Variants in ZC3H11A observed in about 807,000 individuals in gnomAD.
The protein encoded by ZC3H11A is zinc finger CCCH-type containing 11A.
Under a neutral mutation model 90.8 loss-of-function variants are expected in ZC3H11A, and 22 were observed. The ratio of observed to expected loss-of-function variants is 0.24; its 90% confidence interval spans 0.17 to 0.35. The LOEUF is 0.35. ZC3H11A is among the 10% of genes least tolerant of loss of function. The pLI, the probability that ZC3H11A is intolerant of heterozygous loss-of-function variation, is 1.00. For synonymous variants in ZC3H11A, 294 were observed against 339.8 expected, an observed-to-expected ratio of 0.87 and a Z score of 1.48; for missense variants, 701 against 964.9, an observed-to-expected ratio of 0.73 and a Z score of 3.62.
At chr1:203,838,272 G>A (rs528659733) in intron 11 of ZC3H11A, among the ~76,000 whole-genome samples, 3 of 152,162 alleles carry the variant, frequency 2.0e-5, no homozygotes, top group Non-Finnish European at 2.9e-5. Flanking sequence ...CTCCTCAGGA[G>A]CTTATAGTAT....
rs1441595586 is a variant in ZC3H11A at position 203,796,490 on chromosome 1, A to G, written c.-1588+696A>G. 20 of 398,844 alleles carry G rather than the reference A, an allele frequency of 5.0e-5. No individual in the cohort carries two copies. The East Asian group carries it at 7.1e-4, about 14-fold the overall frequency. The allele number at this position is 398,844 out of a possible 1,614,324, so 24.7% of individuals were successfully genotyped here. A position where few individuals can be genotyped will look rare whatever the true frequency, so the allele number is the denominator to read the frequency against. ...TAATGAAGAACACCCCTAAACTCCC[A>G]TAATCGGTGCGGATTCCTATGGGGA... On this transcript the variant is annotated intron_variant, in intron 1 of 17. Transcript: ENST00000367210.
chr1:203,798,513 G>A (rs1558087058), intron 1 of ZC3H11A: 4 of 1,536,010 alleles, frequency 2.6e-6, no homozygotes, highest in East Asian at 2.4e-5. Flanking sequence ...TGTTGCAAAT[G>A]GATTAGATGA....
Position 203,830,764 on chromosome 1 carries a change from G to A in ZC3H11A, c.700+561G>A, listed in dbSNP as rs138300199. Reference sequence around the variant, plus strand: ...GCAGAGGTTGCAGTGAGCTGAGATCGCACCATTGTATTCCAGCCTGGCGAC... The same window carrying A: ...GCAGAGGTTGCAGTGAGCTGAGATCACACCATTGTATTCCAGCCTGGCGAC... On this transcript the variant is annotated intron_variant, in intron 8 of 17. Transcript: ENST00000367210. 1.6e-3 allele frequency among the ~76,000 whole-genome samples: 244 copies of A among 151,874 alleles called. 3 individuals carry two copies. The East Asian group carries it at 0.041, about 25-fold the overall frequency.
At chr1:203,797,866 T>C (rs1273658138) in intron 1 of ZC3H11A, 2 of 1,535,986 alleles carry the variant, frequency 1.3e-6, no homozygotes, top group East Asian at 2.4e-5. Flanking sequence ...GAAAGTCTTT[T>C]TGAGAGCAAT....
chr1:203,852,286 G>A lies in ZC3H11A; in HGVS notation c.2320G>A (p.Glu774Lys). ...KPPLSVEDDFEKLIWEISGGK... is the reference protein window; with the variant it reads ...KPPLSVEDDFKKLIWEISGGK... The stretch of plus-strand genomic sequence containing the variant: ...CCCACTCTCTGTGGAGGATGATTTT[G>A]AGAAACTAATATGGGAGATTTCAGG... The change falls in exon 18 of 18, where the codon GAG becomes AAG. Residue 774 changes from glutamate to lysine, a missense_variant. Coordinates refer to ENST00000367210, the MANE Select transcript of ZC3H11A (RefSeq NM_001376342.1). The A allele has an allele frequency of 6.2e-7, 1 of 1,613,674 alleles. No homozygotes were observed.
chr1:203,808,527 A>C (rs1316251960), intron 2 of ZC3H11A, among the ~76,000 whole-genome samples: 2 of 152,170 alleles, frequency 1.3e-5, no homozygotes, highest in African/African-American at 4.8e-5. Flanking sequence ...TTCTTTCATA[A>C]TCTCTACAAA....
At chr1:203,821,094 G>A (rs942688001) in intron 4 of ZC3H11A, among the ~76,000 whole-genome samples, 1 of 152,142 alleles carries the variant, frequency 6.6e-6, no homozygotes, top group African/African-American at 2.4e-5. Flanking sequence ...CCTGATGGGA[G>A]GTGATTGGAT....
At chr1:203,804,443 C>T (rs371065207) in intron 2 of ZC3H11A, among the ~76,000 whole-genome samples, 6 of 152,112 alleles carry the variant, frequency 3.9e-5, no homozygotes, top group Admixed American at 2.0e-4. Flanking sequence ...TGAGCCACCA[C>T]GCCCGGCCCT....
At chr1:203,838,230 G>A (rs1684978080) in intron 11 of ZC3H11A, among the ~76,000 whole-genome samples, 166 bp downstream of exon 11, 1 of 152,160 alleles carries the variant, frequency 6.6e-6, no homozygotes, top group Admixed American at 6.5e-5. Context: ...GCTAGATTCT[G>A]GGTAGACACC....
intron 12 of ZC3H11A, 61 bp from the exon 13 acceptor site, chr1:203,847,123 T>A: frequency 6.4e-7 from 1 of 1,570,806 alleles, no homozygotes; most frequent in Non-Finnish European, 8.7e-7. Context: ...AATAGAGAGA[T>A]CATAAGTCAG....
At position 203,828,119 on chromosome 1, in the gene ZC3H11A, A is replaced by T. The variant is rs117260867; in HGVS notation, c.175-180A>T. Reference sequence around the variant, plus strand: ...CATAAACTACTCTCCTGCTCCATTCAGCTCTCCATCATGCCTAAGTTATGT... The same window carrying T: ...CATAAACTACTCTCCTGCTCCATTCTGCTCTCCATCATGCCTAAGTTATGT... On this transcript the variant is annotated intron_variant, in intron 4 of 17. Transcript: ENST00000367210. Among the ~76,000 whole-genome samples, 16 of 152,302 alleles carry T rather than the reference A, an allele frequency of 1.1e-4. No individual in the cohort carries two copies. In the East Asian group the frequency reaches 2.9e-3, roughly 28 times the overall value.
intron 12 of ZC3H11A, among the ~76,000 whole-genome samples, chr1:203,841,015 T>C (rs546469250): frequency 6.6e-6 from 1 of 151,670 alleles, no homozygotes; most frequent in Admixed American, 6.6e-5. Context: ...GCTAAAATAA[T>C]TGCTGTCATG....
chr1:203,831,719 A>C lies in ZC3H11A; in HGVS notation c.759A>C (p.Glu253Asp). The change falls in exon 9 of 18, where the codon GAA becomes GAC. Residue 253 changes from glutamate to aspartate, a missense_variant. By Grantham distance (45) the Glu-to-Asp change is conservative (BLOSUM62 2). Around this residue, in one of 4 missense-constraint regions of ZC3H11A, gnomAD observed 530 missense variants for 696.2 expected, o/e 0.76. Transcript: ENST00000367210. The stretch of plus-strand genomic sequence containing the variant: ...ACCCTGAGCCCGTTCCAGGTCCTGA[A>C]AAAGAAAATGTCAGGACTGTGGTGA... ...LLHPEPVPGPEKENVRTVVRT... is the reference protein window; with the variant it reads ...LLHPEPVPGPDKENVRTVVRT... The C allele has an allele frequency of 6.2e-7, 1 of 1,613,266 alleles. No individual in the cohort carries two copies. Among genetic ancestry groups the C allele is most frequent in the Non-Finnish European group, 8.5e-7 (1 of 1,179,676 alleles).
At position 203,832,825 on chromosome 1, in the gene ZC3H11A, G is replaced by A. The variant is rs554763556; in HGVS notation, c.812-966G>A. Among the ~76,000 whole-genome samples the A allele has an allele frequency of 6.5e-4, 99 of 152,352 alleles. 1 individual carries two copies. Among genetic ancestry groups the A allele is most frequent in the African/African-American group, 2.2e-3 (93 of 41,572 alleles). ...GTTATATTGGACAGTTAACATCGGA[G>A]TAGAGTACAGTTTCATTCAACATAT... On this transcript the variant is annotated intron_variant, in intron 9 of 17. Transcript: ENST00000367210.
At chr1:203,848,782 T>G (rs958781215) in intron 14 of ZC3H11A, among the ~76,000 whole-genome samples, 1 of 152,208 alleles carries the variant, frequency 6.6e-6, no homozygotes, top group Non-Finnish European at 1.5e-5. Context: ...TTAACTGAGT[T>G]TTTTCTAATG....
intron 12 of ZC3H11A, among the ~76,000 whole-genome samples, chr1:203,843,518 A>AT (rs944644177): frequency 6.6e-6 from 1 of 152,066 alleles, no homozygotes; most frequent in Admixed American, 6.6e-5. Context: ...GGAATTGACA[A>AT]TTTTTTTCCT....
Position 203,850,554 on chromosome 1 carries a change from T to C in ZC3H11A, c.1979T>C (p.Val660Ala), listed in dbSNP as rs1195194542. The C allele has an allele frequency of 2.5e-6, 4 of 1,614,014 alleles. No individual in the cohort carries two copies. In the African/African-American group the frequency reaches 4.0e-5, roughly 16 times the overall value. Residue 660 changes from valine (V) to alanine (A), a missense_variant, in exon 16 of 18, where the codon GTT (valine) becomes GCT (alanine). Transcript: ENST00000367210. The part of the protein sequence containing the change: ...KVNVKPSVVK[V>A]VSSPKLAPKR... ...AACGTGAAGCCATCTGTGGTTAAAGTTGTGTCATCCCCCAAATTGGCCCCA... is the reference window on the plus strand; with the variant it reads ...AACGTGAAGCCATCTGTGGTTAAAGCTGTGTCATCCCCCAAATTGGCCCCA...
chr1:203,851,561 GTCAAGTGA>G (rs1235331095), intron 17 of ZC3H11A, among the ~76,000 whole-genome samples: 1 of 151,970 alleles, frequency 6.6e-6, no homozygotes, highest in Non-Finnish European at 1.5e-5. Flanking sequence ...AACTCCTGAC[GTCAAGTGA>G]TCCACCTTCC....
chr1:203,797,470 G>C, intron 1 of ZC3H11A: 1 of 1,425,044 alleles, frequency 7.0e-7, no homozygotes, highest in Non-Finnish European at 9.2e-7. Context: ...ATTTCTGCTT[G>C]AGTAATAAAC....
Sources: gnomAD v4.1 joint callset for allele counts (sites outside exome capture counted in the v4.1 genomes callset) on GRCh38, gnomAD v4.1.1 for gene constraint, gnomAD v4.1.1 regional missense constraint, MANE v1.5 for transcripts, NCBI Gene and HGNC (gene_info 2026-07-23, HGNC 2026-07-21) for gene names.